FLNB: variants seen among roughly 807,000 people sequenced by gnomAD.
FLNB encodes filamin B.
In FLNB, 111 loss-of-function variants were observed where a neutral mutation model predicts 250.6. The ratio of observed to expected loss-of-function variants is 0.44; its 90% CI spans 0.38 to 0.52. The LOEUF is 0.52. FLNB is among the 20% of genes least tolerant of loss of function. The pLI is 0.00. For missense variants in FLNB, 2,869 were observed against 3,447.8 expected (o/e 0.83, Z 4.20); for synonymous variants, 1,302 against 1,372.1 (o/e 0.95, Z 1.13).
At chr3:58,114,518 A>G (rs779615717) in intron 18 of FLNB, among the ~76,000 whole-genome samples, 19 of 150,728 alleles carry the variant, frequency 1.3e-4, no homozygotes, top group Non-Finnish European at 2.8e-4. Flanking sequence ...TATCTCTTTG[A>G]GTCTCTGCAT....
chr3:58,121,696 C>T (rs1258294546), intron 20 of FLNB, among the ~76,000 whole-genome samples, 193 bp downstream of exon 20: 1 of 152,188 alleles, frequency 6.6e-6, no homozygotes, highest in Non-Finnish European at 1.5e-5. Flanking sequence ...GACTACAAGA[C>T]TTTGGTGAGG....
intron 1 of FLNB, among the ~76,000 whole-genome samples, chr3:58,018,868 C>A (rs988221721): frequency 2.7e-4 from 40 of 150,732 alleles, no homozygotes; most frequent in Admixed American, 4.7e-4. Flanking sequence ...GTGGTACATG[C>A]CTGTCCTATA....
At chr3:58,152,412 A>G (rs1016735334) in intron 38 of FLNB, among the ~76,000 whole-genome samples, 5 of 152,144 alleles carry the variant, frequency 3.3e-5, no homozygotes, top group Non-Finnish European at 4.4e-5. Flanking sequence ...GCATGGCCAG[A>G]TTGTGGTGAG....
intron 1 of FLNB, among the ~76,000 whole-genome samples, chr3:58,051,235 CT>C (rs1004578793): frequency 3.9e-5 from 6 of 152,140 alleles, no homozygotes; most frequent in Admixed American, 3.3e-4. Flanking sequence ...TGGCTATTCT[CT>C]TTTACAGAAG....
chr3:58,034,879 C>T (rs956654068), intron 1 of FLNB, among the ~76,000 whole-genome samples: 1 of 152,154 alleles, frequency 6.6e-6, no homozygotes, highest in Non-Finnish European at 1.5e-5. Context: ...AAGGCGGGCC[C>T]TGATCCCAGC....
intron 1 of FLNB, among the ~76,000 whole-genome samples, chr3:58,027,297 C>T (rs1040872368): frequency 4.7e-5 from 7 of 148,826 alleles, no homozygotes; most frequent in African/African-American, 1.0e-4. Context: ...GGATTACAGG[C>T]GTGCACCACT....
Position 58,078,808 on chromosome 3 carries a change from C to T in FLNB, c.633C>T (p.Val211=), listed in dbSNP as rs1410817682. Residue 211 remains valine, a synonymous_variant, in exon 3 of 46, where the codon GTC becomes GTT. Transcript: ENST00000295956. ...AGCAGGCAGATGACTGGCTGGGTGT[C>T]CCACAGGTATGCACAAGTGTGCCAG... ...AMQQADDWLG[V]PQVITPEEII... 1 of 1,611,624 alleles carries T rather than the reference C, an allele frequency of 6.2e-7. No homozygotes were observed. Among genetic ancestry groups the T allele is most frequent in the Non-Finnish European group, 8.5e-7 (1 of 1,178,696 alleles).
chr3:58,027,033 G>C (rs1161858544), intron 1 of FLNB, among the ~76,000 whole-genome samples: 2 of 152,126 alleles, frequency 1.3e-5, no homozygotes, highest in Non-Finnish European at 2.9e-5. Context: ...TTATCAGTAT[G>C]ATCAGCTGAT....
At chr3:58,135,026 T>C (rs578061731) in intron 27 of FLNB, among the ~76,000 whole-genome samples, 1 of 152,280 alleles carries the variant, frequency 6.6e-6, no homozygotes, top group South Asian at 2.1e-4. Flanking sequence ...TTTTTATTTT[T>C]ATTTTTTTTA....
At chr3:58,041,043 A>C (rs1333923805) in intron 1 of FLNB, among the ~76,000 whole-genome samples, 1 of 152,064 alleles carries the variant, frequency 6.6e-6, no homozygotes, top group Non-Finnish European at 1.5e-5. Context: ...TGTCACTTAC[A>C]TGAGGTCTGA....
At chr3:58,161,859 T>C (rs901866575) in intron 42 of FLNB, among the ~76,000 whole-genome samples, 2 of 152,156 alleles carry the variant, frequency 1.3e-5, no homozygotes, top group African/African-American at 4.8e-5. Flanking sequence ...AGAGACACCC[T>C]CTCAGGATTC....
At position 58,138,555 on chromosome 3, in the gene FLNB, A is replaced by G. The variant is rs781103722; in HGVS notation, c.5109+26A>G. 3.7e-6 allele frequency: 6 copies of G among 1,613,840 alleles called. No homozygotes were observed. In the East Asian group the frequency reaches 8.9e-5, roughly 24 times the overall value. On this transcript the variant is annotated intron_variant, in intron 29 of 45. Transcript: ENST00000295956. ...GTAAGGAAAATTCCTTCTCCCGAGC[A>G]TGCTGTTATTGGTGGAAACTGTAAC...
chr3:58,144,749 C>G (rs1283315388), intron 32 of FLNB, among the ~76,000 whole-genome samples: 1 of 152,188 alleles, frequency 6.6e-6, no homozygotes, highest in Non-Finnish European at 1.5e-5. Flanking sequence ...TTCTTTTCCA[C>G]AAAATTTGCC....
At chr3:58,041,715 G>C (rs1208594869) in intron 1 of FLNB, among the ~76,000 whole-genome samples, 1 of 152,198 alleles carries the variant, frequency 6.6e-6, no homozygotes, top group East Asian at 1.9e-4. Flanking sequence ...GCAGTTATGT[G>C]CTTGGGTCAC....
Position 58,169,237 on chromosome 3 carries a change from A to G in FLNB, c.7418-353A>G, listed in dbSNP as rs2362899. On this transcript the variant is annotated intron_variant, in intron 44 of 45. Coordinates refer to ENST00000295956, the MANE Select transcript of FLNB (RefSeq NM_001457.4). This position sits in a 1 kb window ranked among gnomAD's most constrained non-coding sequence, Gnocchi z 4.8. Reference sequence around the variant, plus strand: ...ATTTTTTGATATTTCATTATATGTCATCCCAAACTTTTACACTGCTTATAC... The same window carrying G: ...ATTTTTTGATATTTCATTATATGTCGTCCCAAACTTTTACACTGCTTATAC... 0.96 allele frequency: 270,961 copies of G among 282,038 alleles called. 130,250 individuals are homozygous for G. The highest frequency in any genetic ancestry group is 1 in the East Asian group (11,756 of 11,756). 17.5% of individuals were successfully genotyped at this position (282,038 alleles called of 1,614,324 possible). A position where few individuals can be genotyped will look rare whatever the true frequency, so the allele number is the denominator to read the frequency against.
intron 8 of FLNB, 87 bp downstream of exon 8, chr3:58,098,995 C>T (rs2097244387): frequency 2.6e-6 from 3 of 1,158,922 alleles, no homozygotes; most frequent in African/African-American, 3.0e-5. Context: ...ACAGTCAGGG[C>T]CCAACATTGA....
chr3:58,067,585 GTTTTTTTGTTT>G (rs1235486119), intron 1 of FLNB, among the ~76,000 whole-genome samples: 35 of 90,638 alleles, frequency 3.9e-4, no homozygotes, highest in South Asian at 6.4e-4. Flanking sequence ...TTTTTTGTTT[GTTTTTTTGTTT>G]TTTTTTTGTT....
At position 58,121,228 on chromosome 3, in the gene FLNB, G is replaced by T; in HGVS notation, c.2864-13G>T. 1 of 1,614,172 alleles carries T rather than the reference G, an allele frequency of 6.2e-7. No homozygotes were observed. The highest frequency in any genetic ancestry group is 8.5e-7 in the Non-Finnish European group (1 of 1,180,038). ...GGGTCAGCTCTTCACCTCAGCTTGT[G>T]TTTCTTTTCCAGGGGTGGAAGTTGG... On this transcript the variant is annotated splice_polypyrimidine_tract_variant and intron_variant, in intron 19 of 45. Transcript: ENST00000295956.
intron 4 of FLNB, among the ~76,000 whole-genome samples, chr3:58,084,614 T>C (rs1368652145): frequency 3.9e-5 from 6 of 152,106 alleles, no homozygotes; most frequent in African/African-American, 1.4e-4. Flanking sequence ...TGGGAAAATA[T>C]CCATAACATA....
Sources: allele counts gnomAD v4.1 joint callset (sites outside exome capture counted in the v4.1 genomes callset), GRCh38; gene constraint gnomAD v4.1.1; non-coding constraint Gnocchi (gnomAD v3.1); transcripts MANE v1.5; gene names NCBI Gene and HGNC (gene_info 2026-07-23, HGNC 2026-07-21).